MAP7D2: variants seen among roughly 807,000 people sequenced by gnomAD.
The protein encoded by MAP7D2 is MAP7 domain-containing protein 2.
MAP7D2 carries 33 observed loss-of-function variants against 63.5 expected under a neutral mutation model. That is an observed-to-expected ratio of 0.52 (90% CI 0.39 to 0.70). The LOEUF (loss-of-function observed/expected upper bound fraction) is 0.70. MAP7D2 is among the 30% of genes least tolerant of loss of function. The pLI is 0.00. For synonymous variants in MAP7D2, 224 were observed against 223.7 expected (o/e 1.00, Z -0.01); for missense variants, 626 against 604.0 (o/e 1.04, Z -0.38).
At chrX:20,086,952 T>C (rs2065925297) in intron 1 of MAP7D2, among the ~76,000 whole-genome samples, 1 of 111,518 alleles carries the variant, frequency 9.0e-6, no homozygotes, top group Non-Finnish European at 1.9e-5. Context: ...AACAAATCTA[T>C]GCAGTAAGTA....
intron 13 of MAP7D2, 66 bp downstream of exon 13, chrX:20,013,503 G>T: frequency 1.1e-6 from 1 of 935,882 alleles, no homozygotes. Context: ...CAATTTCACT[G>T]AGTGTATTCT....
intron 1 of MAP7D2, among the ~76,000 whole-genome samples, chrX:20,065,264 C>CATTT (rs1555901480): frequency 8.7e-5 from 8 of 91,451 alleles, no homozygotes; most frequent in African/African-American, 3.2e-4. Context: ...GAACATTTTA[C>CATTT]TTTTTTTTTT....
chrX:20,042,732 G>A, intron 7 of MAP7D2, 103 bp from the exon 8 acceptor site: 1 of 1,002,853 alleles, frequency 1.0e-6, no homozygotes, highest in Admixed American at 2.4e-5. Context: ...CTTTCAGAGG[G>A]ATCGATATGA....
intron 1 of MAP7D2, among the ~76,000 whole-genome samples, chrX:20,077,720 C>A (rs1323158483): frequency 8.9e-6 from 1 of 112,233 alleles, no homozygotes; most frequent in Non-Finnish European, 1.9e-5. Flanking sequence ...CTGGAAACCT[C>A]AATCAGGCTA....
rs2064744273 is a variant in MAP7D2 at position 20,044,480 on chromosome X, G to A, written c.763C>T (p.Pro255Ser). Reference protein sequence around the residue: ...PRLAPLGPLNPSYKSSPTRNI... With the variant: ...PRLAPLGPLNSSYKSSPTRNI... ...CGAGTGGGTGAAGACTTGTAAGAAG[G>A]GTTAAGAGGGCCAAGAGGAGCTAAA... The change falls in exon 7 of 17, where the codon CCT becomes TCT. Residue 255 changes from proline to serine, a missense_variant. By Grantham distance (74) the Pro-to-Ser change is moderately conservative (BLOSUM62 -1). Coordinates refer to ENST00000379643, the MANE Select transcript of MAP7D2 (RefSeq NM_001168465.2). The A allele has an allele frequency of 2.5e-6, 3 of 1,210,392 alleles. No homozygotes were observed. The highest frequency in any genetic ancestry group is 3.4e-6 in the Non-Finnish European group (3 of 894,270).
At chrX:20,107,573 G>GC (rs200020314) in intron 1 of MAP7D2, among the ~76,000 whole-genome samples, 5,546 of 107,841 alleles carry the variant, frequency 0.051, 406 homozygotes, top group African/African-American at 0.18. Context: ...TCTGTTTCCC[G>GC]CCCCCCCCAA....
intron 1 of MAP7D2, among the ~76,000 whole-genome samples, chrX:20,090,255 G>T (rs2066030154): frequency 9.2e-6 from 1 of 108,411 alleles, no homozygotes; most frequent in Non-Finnish European, 1.9e-5. Context: ...AGAACTTTTG[G>T]GAGGCCAAGG....
At chrX:20,022,444 G>T (rs1481139910) in intron 10 of MAP7D2, among the ~76,000 whole-genome samples, 3 of 111,140 alleles carry the variant, frequency 2.7e-5, no homozygotes, top group Non-Finnish European at 1.9e-5. Context: ...GCCCAGCGTG[G>T]ACAGGGGACA....
At chrX:20,027,986 C>T (rs1318938853) in intron 8 of MAP7D2, among the ~76,000 whole-genome samples, 1 of 110,838 alleles carries the variant, frequency 9.0e-6, no homozygotes, top group Non-Finnish European at 1.9e-5. Flanking sequence ...TGTTCTGACA[C>T]AGTCAGACCA....
At chrX:20,087,091 G>T (rs746125550) in intron 1 of MAP7D2, among the ~76,000 whole-genome samples, 1 of 112,278 alleles carries the variant, frequency 8.9e-6, no homozygotes, top group African/African-American at 3.2e-5. Flanking sequence ...TAACACATTG[G>T]TGGGGGGAGT....
chrX:20,049,079 T>C (rs1427747591), intron 6 of MAP7D2, among the ~76,000 whole-genome samples: 1 of 110,014 alleles, frequency 9.1e-6, no homozygotes, highest in African/African-American at 3.3e-5. Context: ...AGAAACTTCG[T>C]CCGTTAAGCA....
intron 8 of MAP7D2, among the ~76,000 whole-genome samples, chrX:20,033,583 C>T (rs1292310204): frequency 3.6e-5 from 4 of 112,501 alleles, no homozygotes; most frequent in African/African-American, 1.3e-4. Context: ...TTAACATGCA[C>T]AGCCACCCAA....
intron 7 of MAP7D2, among the ~76,000 whole-genome samples, chrX:20,043,151 A>G (rs1429143456): frequency 9.0e-6 from 1 of 111,178 alleles, no homozygotes; most frequent in Non-Finnish European, 1.9e-5. Context: ...TCTCCCTATC[A>G]CACTTTTCTG....
intron 1 of MAP7D2, among the ~76,000 whole-genome samples, chrX:20,099,226 C>T (rs1329825405): frequency 2.5e-5 from 2 of 79,959 alleles, no homozygotes; most frequent in Non-Finnish European, 4.7e-5. Context: ...TGCCACACTG[C>T]AAGTTTATAC....
chrX:20,067,572 G>A (rs1281451333), intron 1 of MAP7D2, among the ~76,000 whole-genome samples: 2 of 111,888 alleles, frequency 1.8e-5, no homozygotes, highest in Non-Finnish European at 3.8e-5. Context: ...TCTTACAGGT[G>A]TAGAAACAGA....
chrX:20,024,803 G>A (rs2073781336), intron 10 of MAP7D2, 148 bp downstream of exon 10: 3 of 576,899 alleles, frequency 5.2e-6, no homozygotes, highest in Non-Finnish European at 8.1e-6. Context: ...TCAGTCTCCT[G>A]AACACCTTCC....
intron 2 of MAP7D2, among the ~76,000 whole-genome samples, chrX:20,064,412 C>T (rs1051316171): frequency 8.9e-6 from 1 of 112,012 alleles, no homozygotes; most frequent in African/African-American, 3.2e-5. Context: ...AGGGAGTGTA[C>T]ACAGTTGACA....
intron 1 of MAP7D2, among the ~76,000 whole-genome samples, chrX:20,109,976 C>T (rs1192155522): frequency 9.2e-6 from 1 of 109,166 alleles, no homozygotes; most frequent in African/African-American, 3.3e-5. Flanking sequence ...GCAGTGGTTG[C>T]AGTGAGCCGA....
chrX:20,077,353 T>A (rs1331657694), intron 1 of MAP7D2, among the ~76,000 whole-genome samples: 1 of 111,557 alleles, frequency 9.0e-6, no homozygotes, highest in Non-Finnish European at 1.9e-5. Context: ...CTCGAGAGGC[T>A]GAGGCACGAG....
Sources: gnomAD v4.1 joint callset for allele counts (sites outside exome capture counted in the v4.1 genomes callset) on GRCh38, gnomAD v4.1.1 for gene constraint, MANE v1.5 for transcripts, NCBI Gene and HGNC (gene_info 2026-07-23, HGNC 2026-07-21) for gene names.